The following CLEC16A variants were observed in gnomAD, a reference collection of about 807,000 sequenced individuals.
CLEC16A encodes the protein protein CLEC16A.
Under a neutral mutation model 109.5 loss-of-function variants are expected in CLEC16A, and 51 were observed. The observed-to-expected ratio is 0.47, with a 90% CI of 0.37 to 0.59. The LOEUF is 0.59. Ranked by LOEUF, CLEC16A falls within the 20% of genes least tolerant of loss-of-function variation. CLEC16A has a pLI of 0.00. For missense variants in CLEC16A, 1,339 were observed against 1,394.0 expected (o/e 0.96, Z 0.63); for synonymous variants, 673 against 564.2 (o/e 1.19, Z -2.73).
At chr16:10,980,491 G>C (rs2043261357) in intron 9 of CLEC16A, among the ~76,000 whole-genome samples, 1 of 152,020 alleles carries the variant, frequency 6.6e-6, no homozygotes, top group South Asian at 2.1e-4. Context: ...GAATCATATG[G>C]AAAGCATCCT....
At chr16:11,063,277 C>CT (rs56409015) in intron 19 of CLEC16A, among the ~76,000 whole-genome samples, 982 of 78,990 alleles carry the variant, frequency 0.012, 7 homozygotes, top group South Asian at 0.031. Context: ...TTCTTCTTTC[C>CT]TTTTTTTTTT....
At chr16:11,159,568 G>A (rs924813901) in intron 22 of CLEC16A, among the ~76,000 whole-genome samples, 5 of 152,246 alleles carry the variant, frequency 3.3e-5, no homozygotes, top group African/African-American at 1.2e-4. Flanking sequence ...GTTTGAAAAG[G>A]GCTGTCATAG....
chr16:10,945,646 G>A (rs1353078891), intron 1 of CLEC16A, among the ~76,000 whole-genome samples: 1 of 152,170 alleles, frequency 6.6e-6, no homozygotes, highest in Admixed American at 6.5e-5. Context: ...TGCAAATGGG[G>A]ATCGTGAACA....
chr16:11,160,206 G>T (rs1352623749), intron 22 of CLEC16A, among the ~76,000 whole-genome samples: 1 of 152,138 alleles, frequency 6.6e-6, no homozygotes, highest in Non-Finnish European at 1.5e-5. Flanking sequence ...ACCAACTCCA[G>T]GCAGGCCACA....
chr16:10,948,103 C>T (rs1596692518), intron 1 of CLEC16A, among the ~76,000 whole-genome samples: 2 of 152,120 alleles, frequency 1.3e-5, no homozygotes, highest in African/African-American at 2.4e-5. Context: ...CCGTGTTAGC[C>T]AGGATGGTCT....
At chr16:11,036,585 T>C (rs1387102620) in intron 13 of CLEC16A, among the ~76,000 whole-genome samples, 3 of 149,702 alleles carry the variant, frequency 2.0e-5, no homozygotes, top group African/African-American at 7.4e-5. Flanking sequence ...AGTCTCGCTC[T>C]GTCACCCAGG....
Position 11,024,835 on chromosome 16 carries a change from T to C in CLEC16A, c.1451T>C (p.Met484Thr), listed in dbSNP as rs753717326. The part of the protein sequence containing the change: ...STQWSRPFLD[M>T]VYHALDSPDD... ...CTCTTTTCCAGACCCTTCCTGGATA[T>C]GGTGTACCACGCGCTGGACAGCCCG... Residue 484 changes from methionine (M) to threonine (T), a missense_variant, in exon 13 of 24, where the codon ATG (methionine) becomes ACG (threonine). This residue lies in a region of CLEC16A where 1,061 missense variants were observed against 1,006.8 expected (regional missense o/e 1.05). Coordinates refer to ENST00000409790, the MANE Select transcript of CLEC16A (RefSeq NM_015226.3). The C allele has an allele frequency of 6.2e-7, 1 of 1,603,428 alleles. No individual in the cohort carries two copies. The highest frequency in any genetic ancestry group is 8.5e-7 in the Non-Finnish European group (1 of 1,174,822).
At chr16:11,118,255 G>A (rs1252638723) in intron 19 of CLEC16A, among the ~76,000 whole-genome samples, 1 of 152,084 alleles carries the variant, frequency 6.6e-6, no homozygotes, top group African/African-American at 2.4e-5. Flanking sequence ...CACCCAGCTG[G>A]GGACAACTTT....
At chr16:11,162,734 T>C (rs1032286613) in intron 22 of CLEC16A, among the ~76,000 whole-genome samples, 2 of 152,230 alleles carry the variant, frequency 1.3e-5, no homozygotes, top group Non-Finnish European at 2.9e-5. Context: ...AATTTCATCA[T>C]CTAGAGGGAT....
chr16:11,078,830 T>C (rs896089208), intron 19 of CLEC16A, among the ~76,000 whole-genome samples: 11 of 152,144 alleles, frequency 7.2e-5, no homozygotes, highest in African/African-American at 2.2e-4. Flanking sequence ...TAAGGTTCCC[T>C]CATGGGTCTG....
At chr16:11,002,018 A>G (rs569720119) in intron 10 of CLEC16A, among the ~76,000 whole-genome samples, 1 of 152,302 alleles carries the variant, frequency 6.6e-6, no homozygotes, top group Non-Finnish European at 1.5e-5. Context: ...TTTAAAATGA[A>G]CTTATTTGGG....
chr16:11,019,245 C>T (rs1360835291), intron 11 of CLEC16A, among the ~76,000 whole-genome samples: 2 of 152,180 alleles, frequency 1.3e-5, no homozygotes, highest in Non-Finnish European at 2.9e-5. Context: ...GATGGGGACA[C>T]CATAAAGCCC....
In CLEC16A at chr16:11,051,598, T is replaced by G; in HGVS notation, c.1952T>G (p.Phe651Cys). The G allele has an allele frequency of 6.2e-7, 1 of 1,614,002 alleles. No homozygotes were observed. Among genetic ancestry groups the G allele is most frequent in the Non-Finnish European group, 8.5e-7 (1 of 1,179,882 alleles). Residue 651 changes from phenylalanine to cysteine, a missense_variant, in exon 18 of 24, where the codon TTC (phenylalanine) becomes TGC (cysteine). Around this residue, in one of 3 missense-constraint regions of CLEC16A, gnomAD observed 1,061 missense variants for 1,006.8 expected, o/e 1.05. Transcript: ENST00000409790. ...GGCACGCCACTGACGGGCATTGACTTCGTGAAGCGGCTGCCGTGTGGCGAT... is the reference window on the plus strand; with the variant it reads ...GGCACGCCACTGACGGGCATTGACTGCGTGAAGCGGCTGCCGTGTGGCGAT... Reference protein sequence around the residue: ...PTGTPLTGIDFVKRLPCGDVE... With the variant: ...PTGTPLTGIDCVKRLPCGDVE...
chr16:11,163,876 CT>C (rs1366460876), intron 22 of CLEC16A, among the ~76,000 whole-genome samples: 1 of 152,150 alleles, frequency 6.6e-6, no homozygotes, highest in African/African-American at 2.4e-5. Context: ...GAAAAGCCAT[CT>C]TGACATTTTG....
intron 4 of CLEC16A, among the ~76,000 whole-genome samples, chr16:10,970,918 T>C (rs1451355206): frequency 6.7e-6 from 1 of 149,382 alleles, no homozygotes; most frequent in Middle Eastern, 3.2e-3. Context: ...GGACTTGGAC[T>C]CTTCTGTTTC....
intron 19 of CLEC16A, among the ~76,000 whole-genome samples, chr16:11,108,130 C>T (rs2051336337): frequency 6.6e-6 from 1 of 152,248 alleles, no homozygotes; most frequent in Non-Finnish European, 1.5e-5. Context: ...GGAAGGGTAG[C>T]CATCCTTCTG....
At chr16:11,004,983 A>C (rs1248055118) in intron 11 of CLEC16A, among the ~76,000 whole-genome samples, 6 of 152,170 alleles carry the variant, frequency 3.9e-5, no homozygotes, top group Admixed American at 6.5e-5. Context: ...CTGAAGAAAA[A>C]TGTCTGCCTA....
At chr16:10,960,179 A>T (rs1000503446) in intron 2 of CLEC16A, among the ~76,000 whole-genome samples, 3 of 152,246 alleles carry the variant, frequency 2.0e-5, no homozygotes, top group Non-Finnish European at 4.4e-5. Flanking sequence ...ACATTGGTAC[A>T]GTATTGTTGA....
chr16:10,989,621 GGCTT>G (rs2147006703), intron 10 of CLEC16A, among the ~76,000 whole-genome samples: 1 of 152,284 alleles, frequency 6.6e-6, no homozygotes, highest in Non-Finnish European at 1.5e-5. Context: ...GGGCAGAATA[GGCTT>G]GCTTATCTCC....
Sources: gnomAD v4.1 joint callset for allele counts (sites outside exome capture counted in the v4.1 genomes callset) on GRCh38, gnomAD v4.1.1 for gene constraint, gnomAD v4.1.1 regional missense constraint, MANE v1.5 for transcripts, NCBI Gene and HGNC (gene_info 2026-07-23, HGNC 2026-07-21) for gene names.